Variants in PDZD8 observed in about 807,000 individuals in gnomAD.
PDZD8 encodes the protein PDZ domain-containing protein 8.
PDZD8 carries 14 observed loss-of-function variants against 85.8 expected under a neutral mutation model. The ratio of observed to expected loss-of-function variants is 0.16; its 90% CI spans 0.11 to 0.26. The LOEUF (loss-of-function observed/expected upper bound fraction) is 0.26. Ranked by LOEUF, PDZD8 falls within the 10% of genes least tolerant of loss-of-function variation. PDZD8 has a pLI of 1.00. For missense variants in PDZD8, 1,197 were observed against 1,424.3 expected, an observed-to-expected ratio of 0.84 and a Z score of 2.57; for synonymous variants, 592 against 568.6, an observed-to-expected ratio of 1.04 and a Z score of -0.59.
chr10:117,292,771 C>CAAAA (rs201930944), intron 3 of PDZD8, among the ~76,000 whole-genome samples: 14 of 126,304 alleles, frequency 1.1e-4, no homozygotes, highest in African/African-American at 4.1e-4. Context: ...ATTCCAGATG[C>CAAAA]AAAAAAAAAA....
chr10:117,328,882 G>A (rs183449673), intron 2 of PDZD8, among the ~76,000 whole-genome samples: 5 of 152,312 alleles, frequency 3.3e-5, no homozygotes, highest in Admixed American at 6.5e-5. Flanking sequence ...CACAGCACCA[G>A]GCCTTGACTG....
At chr10:117,351,349 A>C (rs6585431) in intron 1 of PDZD8, among the ~76,000 whole-genome samples, 3 of 152,132 alleles carry the variant, frequency 2.0e-5, no homozygotes, top group Non-Finnish European at 4.4e-5. Context: ...AACATGGATT[A>C]ATCTCACAAA....
At position 117,341,083 on chromosome 10, in the gene PDZD8, A is replaced by G. The variant is rs776414016; in HGVS notation, c.892T>C (p.Tyr298His). The G allele has an allele frequency of 1.2e-6, 2 of 1,613,544 alleles. No individual in the cohort carries two copies. The highest frequency in any genetic ancestry group is 1.7e-6 in the Non-Finnish European group (2 of 1,179,618). The change falls in exon 2 of 5, where the codon TAC becomes CAC. Residue 298 changes from tyrosine to histidine, a missense_variant. By Grantham distance (83) the Tyr-to-His change is moderately conservative. Around this residue, in one of 4 missense-constraint regions of PDZD8, gnomAD observed 344 missense variants for 453.6 expected, o/e 0.76. Transcript: ENST00000334464. ...YKIRFKPFFPYQTLQGFEEDE... is the reference protein window; with the variant it reads ...YKIRFKPFFPHQTLQGFEEDE... ...TCTTCAAATCCTTGCAAGGTCTGGT[A>G]TGGAAAAAACGGCTTAAACCTGACA...
chr10:117,346,414 G>C (rs116886805), intron 1 of PDZD8, among the ~76,000 whole-genome samples: 4,897 of 152,120 alleles, frequency 0.032, 86 homozygotes, highest in South Asian at 0.039. Flanking sequence ...AATTTAATCT[G>C]AAAGAATGGT....
chr10:117,288,409 C>CA (rs903210249), intron 4 of PDZD8, among the ~76,000 whole-genome samples: 2 of 151,468 alleles, frequency 1.3e-5, no homozygotes, highest in Non-Finnish European at 2.9e-5. Context: ...AACAAAAAAA[C>CA]AAAAAAAGAG....
intron 3 of PDZD8, among the ~76,000 whole-genome samples, chr10:117,294,657 G>A (rs997153517): frequency 3.3e-5 from 5 of 152,022 alleles, no homozygotes. Flanking sequence ...CAAACACAGT[G>A]GAATACTATT....
intron 1 of PDZD8, among the ~76,000 whole-genome samples, chr10:117,351,244 C>T (rs548719548): frequency 6.6e-6 from 1 of 152,292 alleles, no homozygotes; most frequent in East Asian, 1.9e-4. Flanking sequence ...TTCATAACAA[C>T]ACTACCCATC....
intron 1 of PDZD8, among the ~76,000 whole-genome samples, chr10:117,359,989 A>AT (rs1844968256): frequency 1.4e-5 from 2 of 147,418 alleles, no homozygotes; most frequent in South Asian, 4.4e-4. Flanking sequence ...AAATACTGTT[A>AT]CAAAAAAAAA....
At position 117,374,671 on chromosome 10, in the gene PDZD8, C is replaced by A; in HGVS notation, c.557G>T (p.Cys186Phe). The A allele has an allele frequency of 1.3e-6, 2 of 1,588,700 alleles. No individual in the cohort carries two copies. Among genetic ancestry groups the A allele is most frequent in the Admixed American group, 1.8e-5 (1 of 55,274 alleles). The change falls in exon 1 of 5, where the codon TGC (cysteine) becomes TTC (phenylalanine). Residue 186 changes from cysteine (C) to phenylalanine (F), a missense_variant. Physicochemically the swap from Cys to Phe is radical, Grantham distance 205. Transcript: ENST00000334464. This position sits in a 1 kb window ranked among gnomAD's most constrained non-coding sequence, Gnocchi z 7.8. ...GPEGEALPAACPEELAFEAEV... is the reference protein window; with the variant it reads ...GPEGEALPAAFPEELAFEAEV... ...CGCCTCGAAGGCCAGCTCCTCGGGG[C>A]AGGCGGCGGGCAGCGCCTCCCCTTC...
At chr10:117,317,442 G>C (rs980505974) in intron 3 of PDZD8, among the ~76,000 whole-genome samples, 1 of 152,044 alleles carries the variant, frequency 6.6e-6, no homozygotes, top group African/African-American at 2.4e-5. Context: ...TTCAACATCA[G>C]ATATAATTAA....
intron 3 of PDZD8, among the ~76,000 whole-genome samples, chr10:117,294,842 T>G (rs1843728374): frequency 6.6e-6 from 1 of 152,130 alleles, no homozygotes; most frequent in Admixed American, 6.6e-5. Flanking sequence ...GAAGAGTGGT[T>G]ACCAGAGGCT....
At chr10:117,350,699 C>T (rs1435735438) in intron 1 of PDZD8, among the ~76,000 whole-genome samples, 2 of 151,172 alleles carry the variant, frequency 1.3e-5, no homozygotes, top group African/African-American at 2.4e-5. Flanking sequence ...GTCAGGAGAT[C>T]GAGACCATCC....
intron 1 of PDZD8, among the ~76,000 whole-genome samples, chr10:117,364,760 A>C (rs1319857167): frequency 1.3e-5 from 2 of 152,104 alleles, no homozygotes; most frequent in Non-Finnish European, 2.9e-5. Context: ...AGGCAGAGAG[A>C]ATGGCTGAGA....
rs200473868 is a variant in PDZD8, at chr10:117,367,909, G to A, written c.872+6447C>T. On this transcript the variant is annotated intron_variant, in intron 1 of 4. Transcript: ENST00000334464. ...CACTCCAGCCTGGGCAACGAGAGAG[G>A]AAAAAAAAAAAAGCTAAGGTCACAA... Among the ~76,000 whole-genome samples, 359 of 142,906 alleles carry A rather than the reference G, an allele frequency of 2.5e-3. 1 individual carries two copies. Among genetic ancestry groups the A allele is most frequent in the Non-Finnish European group, 4.2e-3 (274 of 64,896 alleles). The allele number at this position is 142,906 out of a possible 152,430, so 93.8% of individuals were successfully genotyped here. A position where few individuals can be genotyped will look rare whatever the true frequency, so the allele number is the denominator to read the frequency against.
intron 1 of PDZD8, among the ~76,000 whole-genome samples, chr10:117,365,250 C>T (rs1476103014): frequency 6.6e-6 from 1 of 151,954 alleles, no homozygotes; most frequent in Non-Finnish European, 1.5e-5. Context: ...AATTGGTTAA[C>T]TTATGGTACT....
In PDZD8 at chr10:117,283,325, G is replaced by A; in HGVS notation, c.3408C>T (p.Asp1136=). ...CTGATATGCTGCTGAATGGCTGAGA[G>A]TCTATTAGTTGGCTTATTTCATTAT... ...DLDNEISQLI[D]SQPFSSISDD... is the part of the protein sequence containing the mutation. The change falls in exon 5 of 5, where the codon GAC becomes GAT. Residue 1136 remains aspartate, a synonymous_variant. Transcript: ENST00000334464. 1 of 1,614,034 alleles carries A rather than the reference G, an allele frequency of 6.2e-7. No homozygotes were observed. The highest frequency in any genetic ancestry group is 1.1e-5 in the South Asian group (1 of 91,062).
chr10:117,309,134 G>A (rs543952311), intron 3 of PDZD8, among the ~76,000 whole-genome samples: 2 of 152,208 alleles, frequency 1.3e-5, no homozygotes, highest in African/African-American at 4.8e-5. Flanking sequence ...TATATGGACT[G>A]TGTGAATCAG....
chr10:117,316,857 G>C (rs1353876457), intron 3 of PDZD8, among the ~76,000 whole-genome samples: 2 of 152,142 alleles, frequency 1.3e-5, no homozygotes, highest in Non-Finnish European at 2.9e-5. Flanking sequence ...GGAGGCCATA[G>C]GACTCACTTC....
At chr10:117,372,319 A>G (rs1342287051) in intron 1 of PDZD8, among the ~76,000 whole-genome samples, 2 of 152,248 alleles carry the variant, frequency 1.3e-5, no homozygotes, top group African/African-American at 4.8e-5. Flanking sequence ...AATGATACAG[A>G]TAATAGTTTT....
Sources: allele counts gnomAD v4.1 joint callset (sites outside exome capture counted in the v4.1 genomes callset), GRCh38; gene constraint gnomAD v4.1.1; regional missense constraint gnomAD v4.1.1; non-coding constraint Gnocchi (gnomAD v3.1); transcripts MANE v1.5; gene names NCBI Gene and HGNC (gene_info 2026-07-23, HGNC 2026-07-21).